Variants in ZNF229 observed in about 807,000 individuals in gnomAD.
The protein encoded by ZNF229 is zinc finger protein 229.
A neutral mutation model predicts 11.8 loss-of-function variants in ZNF229; 10 were observed. The ratio of observed to expected loss-of-function variants is 0.85; its 90% CI spans 0.52 to 1.44. The LOEUF (loss-of-function observed/expected upper bound fraction) is 1.44. ZNF229 is among the 40% of genes most tolerant of loss of function. The pLI is 0.00. For missense variants in ZNF229, 1,045 were observed against 1,015.1 expected, an observed-to-expected ratio of 1.03 and a Z score of -0.40; for synonymous variants, 368 against 374.8, an observed-to-expected ratio of 0.98 and a Z score of 0.21.
Position 44,428,456 on chromosome 19 carries a change from C to T in ZNF229, c.2325G>A (p.Lys775=), listed in dbSNP as rs753181826. The T allele has an allele frequency of 2.5e-6, 4 of 1,613,844 alleles. No individual in the cohort carries two copies. In the East Asian group the frequency reaches 6.7e-5, roughly 27 times the overall value. Reference sequence around the variant, plus strand: ...GAAGACAGGAGTTGCGGCCAAAGCCCTTCCCACACTCCTCACATTTATAGG... The same window carrying T: ...GAAGACAGGAGTTGCGGCCAAAGCCTTTCCCACACTCCTCACATTTATAGG... The part of the protein sequence containing the change: ...EKPYKCEECG[K]GFGRNSCLHV... The change falls in exon 6 of 6, where the codon AAG becomes AAA. Residue 775 remains lysine (K), a synonymous_variant. Transcript: ENST00000614049.
Position 44,428,766 on chromosome 19 carries a change from T to C in ZNF229, c.2015A>G (p.His672Arg). 6.2e-7 allele frequency: 1 copy of C among 1,613,284 alleles called. No individual in the cohort carries two copies. ...GKGFRCTSSL[H>R]KHQRVHTGKK... ...TCCCGTGTGGACTCGCTGATGTTTG[T>C]GAAGGCTTGATGTGCACCTAAAGCC... The change falls in exon 6 of 6, where the codon CAC becomes CGC. Residue 672 changes from histidine to arginine, a missense_variant. Physicochemically the swap from His to Arg is conservative, Grantham distance 29. Transcript: ENST00000614049.
rs1453260528 is a variant in ZNF229 at position 44,430,285 on chromosome 19, T to C, written c.496A>G (p.Ile166Val). The C allele has an allele frequency of 1.2e-6, 2 of 1,614,044 alleles. No individual in the cohort carries two copies. The highest frequency in any genetic ancestry group is 1.7e-6 in the Non-Finnish European group (2 of 1,180,046). ...FLDSLQGDGL[I>V]GLENQQFPAW... Reference sequence around the variant, plus strand: ...GGAAACTGTTGATTTTCTAGACCGATAAGCCCATCCCCTTGTAGACTGTCC... The same window carrying C: ...GGAAACTGTTGATTTTCTAGACCGACAAGCCCATCCCCTTGTAGACTGTCC... The change falls in exon 6 of 6, where the codon ATC becomes GTC. Residue 166 changes from isoleucine to valine, a missense_variant. Physicochemically the swap from Ile to Val is conservative, Grantham distance 29. Transcript: ENST00000614049.
rs116086339 is a variant in ZNF229, at chr19:44,447,009, T to A, written c.-178+504A>T. Among the ~76,000 whole-genome samples the A allele has an allele frequency of 1.6e-3, 244 of 152,286 alleles. 1 individual carries two copies. Among genetic ancestry groups the A allele is most frequent in the African/African-American group, 5.8e-3 (239 of 41,552 alleles). On this transcript the variant is annotated intron_variant, in intron 2 of 5. Transcript: ENST00000614049. ...AGGAAGCATAAGCGCAAAGACCTGG[T>A]TTCTGTTTAGAAGGTCTCCTGGCCA...
rs1971931308 is a variant in ZNF229, at chr19:44,442,566, A to C, written c.90T>G (p.Ser30=). The C allele has an allele frequency of 6.2e-7, 1 of 1,613,958 alleles. No individual in the cohort carries two copies. Among genetic ancestry groups the C allele is most frequent in the African/African-American group, 1.3e-5 (1 of 74,902 alleles). The change falls in exon 4 of 6, where the codon TCT becomes TCG. Residue 30 remains serine (S), a synonymous_variant. Coordinates refer to ENST00000614049, the MANE Select transcript of ZNF229 (RefSeq NM_014518.4). Reference sequence around the variant, plus strand: ...GAGAGAAAAGAAAACAACCCACCTGAGACATGATCTTCTCCTCCCTATCTT... The same window carrying C: ...GAGAGAAAAGAAAACAACCCACCTGCGACATGATCTTCTCCTCCCTATCTT... ...ISQDREEKIM[S]QEPLSFKDVA... is the part of the protein sequence containing the mutation.
chr19:44,429,575 C>A lies in ZNF229; in HGVS notation c.1206G>T (p.Glu402Asp). 2 of 1,614,088 alleles carry A rather than the reference C, an allele frequency of 1.2e-6. No homozygotes were observed. Among genetic ancestry groups the A allele is most frequent in the Non-Finnish European group, 1.7e-6 (2 of 1,180,040 alleles). ...CACACTCGCTGCATTTATATGGTTT[C>A]TCTCCAGTGTGGACCCTCTGATGGA... ...LLVHQRVHTG[E>D]KPYKCSECGK... is the part of the protein sequence containing the mutation. The change falls in exon 6 of 6, where the codon GAG becomes GAT. Residue 402 changes from glutamate to aspartate, a missense_variant. Physicochemically the swap from Glu to Asp is conservative, Grantham distance 45. Coordinates refer to ENST00000614049, the MANE Select transcript of ZNF229 (RefSeq NM_014518.4).
At chr19:44,438,658 C>T (rs1971855096) in intron 4 of ZNF229, among the ~76,000 whole-genome samples, 1 of 152,048 alleles carries the variant, frequency 6.6e-6, no homozygotes, top group African/African-American at 2.4e-5. Flanking sequence ...GAGGATTAGA[C>T]TTATAGTACT....
Position 44,428,813 on chromosome 19 carries a change from G to C in ZNF229, c.1968C>G (p.Tyr656Ter), listed in dbSNP as rs1185431760. The change falls in exon 6 of 6, where the codon TAC (tyrosine) becomes TAG (stop). Residue 656 changes from tyrosine (Y) to a stop codon, truncating the protein, a stop_gained. Coordinates refer to ENST00000614049, the MANE Select transcript of ZNF229 (RefSeq NM_014518.4). LOFTEE classifies it low-confidence loss of function (END_TRUNC). ...AGCCCTTTCCGCACTCTTGGCATCT[G>C]TAAGGTTTCTCGCCTGTGTGGACTC... ...HQRVHTGEKP[Y>*]RCQECGKGFR... The C allele has an allele frequency of 6.2e-7, 1 of 1,613,176 alleles. No homozygotes were observed. The highest frequency in any genetic ancestry group is 1.7e-5 in the Admixed American group (1 of 59,990).
intron 4 of ZNF229, among the ~76,000 whole-genome samples, chr19:44,436,291 G>A (rs1036616960): frequency 3.3e-5 from 5 of 151,934 alleles, no homozygotes; most frequent in Non-Finnish European, 7.4e-5. Context: ...AAGCCTGGGG[G>A]TTCAAGGCTG....
At chr19:44,443,317 T>C (rs116726297) in intron 2 of ZNF229, among the ~76,000 whole-genome samples, 2,459 of 152,290 alleles carry the variant, frequency 0.016, 51 homozygotes, top group African/African-American at 0.055. Flanking sequence ...ACCTGTGACC[T>C]GTGAAGAAAC....
chr19:44,440,456 C>T (rs2571170), intron 4 of ZNF229, among the ~76,000 whole-genome samples: 17,463 of 152,052 alleles, frequency 0.11, 1,138 homozygotes, highest in East Asian at 0.28. Context: ...CAGGCACAAA[C>T]AGAATTAATG....
At chr19:44,437,250 A>C (rs1206781197) in intron 4 of ZNF229, among the ~76,000 whole-genome samples, 1 of 152,162 alleles carries the variant, frequency 6.6e-6, no homozygotes, top group Non-Finnish European at 1.5e-5. Context: ...AACTACATGA[A>C]ACTAAATTTT....
chr19:44,437,669 C>T (rs1317189264), intron 4 of ZNF229, among the ~76,000 whole-genome samples: 1 of 152,136 alleles, frequency 6.6e-6, no homozygotes, highest in Non-Finnish European at 1.5e-5. Flanking sequence ...CATGCACACA[C>T]ATGTTCACTG....
At chr19:44,439,990 T>G (rs973104020) in intron 4 of ZNF229, among the ~76,000 whole-genome samples, 1 of 152,162 alleles carries the variant, frequency 6.6e-6, no homozygotes, top group African/African-American at 2.4e-5. Context: ...TGAGTGAGTA[T>G]GGCAGACAAC....
Position 44,430,071 on chromosome 19 carries a change from T to C in ZNF229, c.710A>G (p.Asp237Gly). Residue 237 changes from aspartate (D) to glycine (G), a missense_variant, in exon 6 of 6, where the codon GAC (aspartate) becomes GGC (glycine). Transcript: ENST00000614049. ...CHVDHRFPEI[D>G]KPCGCNKCRK... ...GCATTTATTGCAACCACACGGCTTGTCTATTTCAGGGAATCTGTGATCAAC... is the reference window on the plus strand; with the variant it reads ...GCATTTATTGCAACCACACGGCTTGCCTATTTCAGGGAATCTGTGATCAAC... 1 of 1,614,164 alleles carries C rather than the reference T, an allele frequency of 6.2e-7. No homozygotes were observed. The highest frequency in any genetic ancestry group is 8.5e-7 in the Non-Finnish European group (1 of 1,180,032).
chr19:44,432,360 A>G lies in ZNF229; in HGVS notation c.100T>C (p.Leu34=). Residue 34 remains leucine (L), a synonymous_variant, in exon 5 of 6, where the codon TTG becomes CTG. Transcript: ENST00000614049. ...ACCACAGCCACGTCCTTGAAGCTCA[A>G]TGGCTCCTAAAATGAAAAACCATTA... ...REEKIMSQEP[L]SFKDVAVVFT... 1 of 1,613,312 alleles carries G rather than the reference A, an allele frequency of 6.2e-7. No individual in the cohort carries two copies. The highest frequency in any genetic ancestry group is 8.5e-7 in the Non-Finnish European group (1 of 1,179,808).
Position 44,429,853 on chromosome 19 carries a change from T to G in ZNF229, c.928A>C (p.Arg310=), listed in dbSNP as rs768935814. The G allele has an allele frequency of 6.2e-7, 1 of 1,614,050 alleles. No individual in the cohort carries two copies. Among genetic ancestry groups the G allele is most frequent in the Non-Finnish European group, 8.5e-7 (1 of 1,179,996 alleles). ...EGLRHSAHLN[R]HQRVPTGEKS... ...TCTCCTGTGGGAACTCTTTGATGTC[T>G]GTTAAGATGGGCACTGTGCCTCAAG... Residue 310 remains arginine (R), a synonymous_variant, in exon 6 of 6, where the codon AGA becomes CGA. Transcript: ENST00000614049.
Position 44,428,640 on chromosome 19 carries a change from C to T in ZNF229, c.2141G>A (p.Cys714Tyr). ...RLHTGEKPYTCCECGKGFRYG... is the reference protein window; with the variant it reads ...RLHTGEKPYTYCECGKGFRYG... ...TCTGAAACCCTTCCCACATTCACAA[C>T]AAGTGTAGGGTTTCTCTCCTGTGTG... is the stretch of plus-strand genomic sequence containing the variant. The change falls in exon 6 of 6, where the codon TGT becomes TAT. Residue 714 changes from cysteine (C) to tyrosine (Y), a missense_variant. Coordinates refer to ENST00000614049, the MANE Select transcript of ZNF229 (RefSeq NM_014518.4). 1 of 1,614,054 alleles carries T rather than the reference C, an allele frequency of 6.2e-7. No homozygotes were observed. The highest frequency in any genetic ancestry group is 8.5e-7 in the Non-Finnish European group (1 of 1,180,030).
chr19:44,439,632 C>G (rs1447170024), intron 4 of ZNF229, among the ~76,000 whole-genome samples: 4 of 151,946 alleles, frequency 2.6e-5, no homozygotes, highest in African/African-American at 9.7e-5. Context: ...TTGGTAGAGA[C>G]AGGGTTTCAC....
At position 44,432,352 on chromosome 19, in the gene ZNF229, G is replaced by A; in HGVS notation, c.108C>T (p.Phe36=). ...CAGTGAAGACCACAGCCACGTCCTT[G>A]AAGCTCAATGGCTCCTAAAATGAAA... ...EKIMSQEPLS[F]KDVAVVFTEE... Residue 36 remains phenylalanine (F), a synonymous_variant, in exon 5 of 6, where the codon TTC becomes TTT. Coordinates refer to ENST00000614049, the MANE Select transcript of ZNF229 (RefSeq NM_014518.4). 6.2e-7 allele frequency: 1 copy of A among 1,613,214 alleles called. No individual in the cohort carries two copies.
Sources: gnomAD v4.1 joint callset for allele counts (sites outside exome capture counted in the v4.1 genomes callset) on GRCh38, gnomAD v4.1.1 for gene constraint, MANE v1.5 for transcripts, NCBI Gene and HGNC (gene_info 2026-07-23, HGNC 2026-07-21) for gene names.